The following PRICKLE1 variants were observed in gnomAD, a reference collection of about 807,000 sequenced individuals.
PRICKLE1 encodes the protein prickle-like protein 1.
PRICKLE1 carries 14 observed loss-of-function variants against 70.2 expected under a neutral mutation model. The observed-to-expected ratio is 0.20, with a 90% CI of 0.13 to 0.31. The LOEUF is 0.31. Ranked by LOEUF, PRICKLE1 falls within the 10% of genes least tolerant of loss-of-function variation. PRICKLE1 has a pLI of 1.00. For synonymous variants in PRICKLE1, 357 were observed against 379.9 expected, an observed-to-expected ratio of 0.94 and a Z score of 0.70; for missense variants, 821 against 1,026.2, an observed-to-expected ratio of 0.80 and a Z score of 2.73.
chr12:42,533,474 C>T (rs1939960703), intron 1 of PRICKLE1, among the ~76,000 whole-genome samples: 1 of 152,098 alleles, frequency 6.6e-6, no homozygotes, highest in Admixed American at 6.5e-5. Flanking sequence ...TGAGCACAAG[C>T]CCTAACATTT....
At chr12:42,581,315 T>C (rs1940894841) in intron 1 of PRICKLE1, among the ~76,000 whole-genome samples, 2 of 152,108 alleles carry the variant, frequency 1.3e-5, no homozygotes, top group Admixed American at 1.3e-4. Context: ...CTGAGTTTTT[T>C]GGTTTTTAAT....
intron 1 of PRICKLE1, among the ~76,000 whole-genome samples, chr12:42,489,186 G>A (rs1939044668): frequency 6.7e-6 from 1 of 150,090 alleles, no homozygotes; most frequent in South Asian, 2.1e-4. Context: ...GCCTCCCAAA[G>A]TGTTGGGATT....
intron 1 of PRICKLE1, among the ~76,000 whole-genome samples, chr12:42,570,765 A>G (rs1408675177): frequency 1.3e-5 from 2 of 152,212 alleles, no homozygotes; most frequent in African/African-American, 4.8e-5. Flanking sequence ...GGTTGCAGTG[A>G]GCCGAGATTG....
In PRICKLE1 at chr12:42,588,514, C is replaced by CT. The variant is rs1274137813; in HGVS notation, c.-49+950dup. On this transcript the variant is annotated intron_variant, in intron 1 of 7. Transcript: ENST00000345127. ...GTTTTTTTGGTTGTAGTTGTTGGTGCTTTTTTTTTTTCCTTTAGGCTGGTT... is the reference window on the plus strand; with the variant it reads ...GTTTTTTTGGTTGTAGTTGTTGGTGCTTTTTTTTTTTTCCTTTAGGCTGGTT... Among the ~76,000 whole-genome samples the CT allele has an allele frequency of 7.5e-3, 1,090 of 145,620 alleles. 5 individuals are homozygous for CT. Among genetic ancestry groups the CT allele is most frequent in the African/African-American group, 0.023 (910 of 40,056 alleles).
At chr12:42,495,802 A>G (rs1400595803) in intron 1 of PRICKLE1, among the ~76,000 whole-genome samples, 1 of 152,030 alleles carries the variant, frequency 6.6e-6, no homozygotes, top group Non-Finnish European at 1.5e-5. Flanking sequence ...CGTGTTGCTC[A>G]GGCTGGTCGC....
intron 1 of PRICKLE1, among the ~76,000 whole-genome samples, chr12:42,550,802 A>G (rs1242965002): frequency 6.6e-6 from 1 of 152,186 alleles, no homozygotes; most frequent in Non-Finnish European, 1.5e-5. Flanking sequence ...GCCCATCTAT[A>G]AAGGAGGAGA....
chr12:42,479,823 C>T (rs777621821), intron 1 of PRICKLE1, among the ~76,000 whole-genome samples: 86 of 152,092 alleles, frequency 5.7e-4, no homozygotes, highest in African/African-American at 2.0e-3. Context: ...GGCATGGTGG[C>T]GCATGTCTGT....
chr12:42,480,068 T>C (rs1162225656), intron 1 of PRICKLE1, among the ~76,000 whole-genome samples: 1 of 152,252 alleles, frequency 6.6e-6, no homozygotes, highest in Non-Finnish European at 1.5e-5. Context: ...TTGAGCACAG[T>C]AGAAAACACT....
rs1271412192 is a variant in PRICKLE1, at chr12:42,460,492, C to T, written c.1813G>A (p.Glu605Lys). ...GGCTTCTCTTCAGGCAGGATTTTCTCTGGACACAACTCTGAACTTAGACTC... is the reference window on the plus strand; with the variant it reads ...GGCTTCTCTTCAGGCAGGATTTTCTTTGGACACAACTCTGAACTTAGACTC... ...LKSLSSELCPEKILPEEKPVH... is the reference protein window; with the variant it reads ...LKSLSSELCPKKILPEEKPVH... Residue 605 changes from glutamate (E) to lysine (K), a missense_variant, in exon 8 of 8, where the codon GAG (glutamate) becomes AAG (lysine). Coordinates refer to ENST00000345127, the MANE Select transcript of PRICKLE1 (RefSeq NM_153026.3). 2 of 1,613,782 alleles carry T rather than the reference C, an allele frequency of 1.2e-6. No homozygotes were observed. Among genetic ancestry groups the T allele is most frequent in the East Asian group, 4.5e-5 (2 of 44,872 alleles).
At chr12:42,543,257 A>T (rs752284851) in intron 1 of PRICKLE1, among the ~76,000 whole-genome samples, 1 of 152,180 alleles carries the variant, frequency 6.6e-6, no homozygotes, top group South Asian at 2.1e-4. Context: ...TTCAGGCTAA[A>T]TGTTCTTGAA....
At chr12:42,535,822 A>G (rs1341529625) in intron 1 of PRICKLE1, among the ~76,000 whole-genome samples, 1 of 152,204 alleles carries the variant, frequency 6.6e-6, no homozygotes, top group Non-Finnish European at 1.5e-5. Flanking sequence ...AAGAAAATAA[A>G]TATAGATATA....
intron 1 of PRICKLE1, among the ~76,000 whole-genome samples, chr12:42,511,434 C>T (rs78558591): frequency 0.025 from 3,747 of 152,310 alleles, 160 homozygotes; most frequent in African/African-American, 0.083. Context: ...ACTATACTGG[C>T]TTGCAGGATG....
chr12:42,484,115 C>T (rs897643420), intron 1 of PRICKLE1: 1 of 150,732 alleles, frequency 6.6e-6, no homozygotes, highest in Non-Finnish European at 1.5e-5. Context: ...CCGCTCCCGC[C>T]CGCGGGCGGC....
chr12:42,583,082 A>T (rs1940930362), intron 1 of PRICKLE1, among the ~76,000 whole-genome samples: 1 of 152,220 alleles, frequency 6.6e-6, no homozygotes, highest in Non-Finnish European at 1.5e-5. Context: ...AAGAAACCAA[A>T]GAATTACAAA....
intron 1 of PRICKLE1, chr12:42,483,657 C>G (rs1395923352): frequency 6.6e-6 from 1 of 151,798 alleles, no homozygotes; most frequent in Non-Finnish European, 1.5e-5. Context: ...GTGCTGGCCC[C>G]GCCTGGCGGG....
At position 42,589,357 on chromosome 12, in the gene PRICKLE1, C is replaced by T. The variant is rs79374882; in HGVS notation, c.-49+108G>A. ...CGACCCAGTCTGGGTGTCACAGACT[C>T]CGGCGGTGCCAGCGAAGGTGCCCGG... On this transcript the variant is annotated intron_variant, in intron 1 of 7. Coordinates refer to ENST00000345127, the MANE Select transcript of PRICKLE1 (RefSeq NM_153026.3). The surrounding 1 kb of genome is among the most constrained non-coding windows in gnomAD (Gnocchi z 5.0). The T allele has an allele frequency of 6.6e-6, 1 of 152,342 alleles. No individual in the cohort carries two copies. The highest frequency in any genetic ancestry group is 2.4e-5 in the African/African-American group (1 of 41,466). 9.4% of individuals were successfully genotyped at this position (152,342 alleles called of 1,614,324 possible).
At chr12:42,520,916 A>T (rs1939698886) in intron 1 of PRICKLE1, among the ~76,000 whole-genome samples, 1 of 152,232 alleles carries the variant, frequency 6.6e-6, no homozygotes, top group Non-Finnish European at 1.5e-5. Flanking sequence ...CACGCCTATA[A>T]TCCCAGTATT....
At chr12:42,564,636 C>T (rs116160172) in intron 1 of PRICKLE1, among the ~76,000 whole-genome samples, 1 of 152,082 alleles carries the variant, frequency 6.6e-6, no homozygotes, top group Non-Finnish European at 1.5e-5. Flanking sequence ...AGAAATCTTT[C>T]TTGAGGTCAT....
At chr12:42,535,907 T>C (rs1940009833) in intron 1 of PRICKLE1, among the ~76,000 whole-genome samples, 1 of 152,232 alleles carries the variant, frequency 6.6e-6, no homozygotes, top group Non-Finnish European at 1.5e-5. Context: ...AGGAATATGA[T>C]AATGAACAAG....
Sources: gnomAD v4.1 joint callset for allele counts (sites outside exome capture counted in the v4.1 genomes callset) on GRCh38, gnomAD v4.1.1 for gene constraint, Gnocchi (gnomAD v3.1) non-coding constraint, MANE v1.5 for transcripts, NCBI Gene and HGNC (gene_info 2026-07-23, HGNC 2026-07-21) for gene names.